Variants in IL20RA observed in about 807,000 individuals in gnomAD.
IL20RA encodes the protein interleukin-20 receptor subunit alpha.
Under a neutral mutation model 36.5 loss-of-function variants are expected in IL20RA, and 29 were observed. The observed-to-expected ratio is 0.79, with a 90% CI of 0.59 to 1.08. The LOEUF is 1.08. Ranked by LOEUF, IL20RA falls within the 50% of genes least tolerant of loss-of-function variation. The probability of loss-of-function intolerance (pLI) is 0.00; values close to 1 mark genes in which losing one functional copy is unlikely to be tolerated. For synonymous variants in IL20RA, 279 were observed against 267.1 expected (o/e 1.04, Z -0.43); for missense variants, 652 against 668.4 (o/e 0.98, Z 0.27).
chr6:137,044,694 AGCGGCCGCAGGGCCGG>A lies in IL20RA; in HGVS notation c.19_34del (p.Pro7CysfsTer39), dbSNP rs1776841629. The A allele has an allele frequency of 4.9e-6, 6 of 1,222,916 alleles. No individual in the cohort carries two copies. The highest frequency in any genetic ancestry group is 4.1e-5 in the South Asian group (1 of 24,466). 75.8% of individuals were successfully genotyped at this position (1,222,916 alleles called of 1,614,324 possible). A position where few individuals can be genotyped will look rare whatever the true frequency, so the allele number is the denominator to read the frequency against. On this transcript the variant is annotated frameshift_variant, in exon 1 of 7. Coordinates refer to ENST00000316649, the MANE Select transcript of IL20RA (RefSeq NM_014432.4). LOFTEE classifies it high-confidence loss of function. ...CAACAGCAGCAGCGGCGGCAGCGGC[AGCGGCCGCAGGGCCGG>A]GCGGCCGGGAGCCCGCATGGGCGGC...
At chr6:137,004,598 A>G in intron 6 of IL20RA, 23 bp downstream of exon 6, 1 of 1,610,350 alleles carries the variant, frequency 6.2e-7, no homozygotes, top group Non-Finnish European at 8.5e-7. Context: ...ATAATAAAGA[A>G]CCCTGCCACA....
chr6:137,022,662 G>A (rs145605183), intron 1 of IL20RA, among the ~76,000 whole-genome samples: 18 of 152,304 alleles, frequency 1.2e-4, no homozygotes, highest in African/African-American at 4.3e-4. Flanking sequence ...CTTAACCTCT[G>A]AGTACTTCAG....
At chr6:137,004,174 T>TTTTTTTTTTTTTTTTTTTTTTTG (rs1562228088) in intron 6 of IL20RA, among the ~76,000 whole-genome samples, 3 of 124,450 alleles carry the variant, frequency 2.4e-5, no homozygotes, top group African/African-American at 6.3e-5. Context: ...TTTTTTTTTT[T>TTTTTTTTTTTTTTTTTTTTTTTG]TTTTTTTTTT....
intron 3 of IL20RA, among the ~76,000 whole-genome samples, chr6:137,010,668 G>T (rs1049267944): frequency 8.5e-5 from 13 of 152,110 alleles, no homozygotes; most frequent in African/African-American, 3.1e-4. Flanking sequence ...GGAAGAAGTT[G>T]CCTTAATTCT....
chr6:137,037,381 T>C lies in IL20RA; in HGVS notation c.88+7260A>G, dbSNP rs563522410. On this transcript the variant is annotated intron_variant, in intron 1 of 6. Transcript: ENST00000316649. ...CAGCAAAGAGTAGCCTTAGTTGCAT[T>C]TAAGACCATCATCACAAGTTCTAGA... is the stretch of plus-strand genomic sequence containing the variant. 1.7e-4 allele frequency among the ~76,000 whole-genome samples: 26 copies of C among 152,336 alleles called. No individual in the cohort carries two copies. In the South Asian group the frequency reaches 5.0e-3, roughly 29 times the overall value.
chr6:137,011,602 T>C (rs1582822163), intron 2 of IL20RA, 150 bp from the exon 3 acceptor site: 4 of 515,358 alleles, frequency 7.8e-6, no homozygotes, highest in East Asian at 3.0e-5. Context: ...GAATCCACTT[T>C]TGCGGTGGGC....
Position 137,002,139 on chromosome 6 carries a change from C to T in IL20RA, c.1081G>A (p.Gly361Arg), listed in dbSNP as rs1405329974. Residue 361 changes from glycine (G) to arginine (R), a missense_variant, in exon 7 of 7, where the codon GGG becomes AGG. Transcript: ENST00000316649. ...ATTTCCATCAAATGCGAAGCATACC[C>T]TAAATGTTTCACCTCCTCTTCCTCC... ...PQEEEEVKHL[G>R]YASHLMEIFC... is the part of the protein sequence containing the mutation. 6.2e-7 allele frequency: 1 copy of T among 1,614,168 alleles called. No homozygotes were observed. The highest frequency in any genetic ancestry group is 1.7e-5 in the Admixed American group (1 of 60,016).
rs768902576 is a variant in IL20RA, at chr6:137,001,523, G to T, written c.*35C>A. On this transcript the variant is annotated 3_prime_UTR_variant, in exon 7 of 7. Coordinates refer to ENST00000316649, the MANE Select transcript of IL20RA (RefSeq NM_014432.4). Reference sequence around the variant, plus strand: ...GATCAAAGGGGTGACTCACTTGTTTGCACAGGAAACAAAAGGCAAAAGGAA... The same window carrying T: ...GATCAAAGGGGTGACTCACTTGTTTTCACAGGAAACAAAAGGCAAAAGGAA... 2.9e-5 allele frequency: 44 copies of T among 1,505,202 alleles called. No individual in the cohort carries two copies. The highest frequency in any genetic ancestry group is 3.9e-5 in the Non-Finnish European group (44 of 1,123,520). The allele number at this position is 1,505,202 out of a possible 1,614,324, so 93.2% of individuals were successfully genotyped here.
chr6:137,043,062 T>G (rs1461455189), intron 1 of IL20RA: 2 of 152,204 alleles, frequency 1.3e-5, no homozygotes, highest in East Asian at 3.8e-4. Flanking sequence ...CATTACTACC[T>G]GGTAATGTCA....
chr6:137,008,666 C>T lies in IL20RA; in HGVS notation c.657G>A (p.Glu219=). 2 of 1,608,980 alleles carry T rather than the reference C, an allele frequency of 1.2e-6. No individual in the cohort carries two copies. Among genetic ancestry groups the T allele is most frequent in the East Asian group, 2.2e-5 (1 of 44,686 alleles). ...EPNTLYCVHV[E]SFVPGPPRRA... is the part of the protein sequence containing the mutation. ...GGCGAGGGGGCCCTGGGACGAAGGACTCCACGTGTACGCAGTAAAGAGTGT... is the reference window on the plus strand; with the variant it reads ...GGCGAGGGGGCCCTGGGACGAAGGATTCCACGTGTACGCAGTAAAGAGTGT... The change falls in exon 5 of 7, where the codon GAG becomes GAA. Residue 219 remains glutamate, a synonymous_variant. Transcript: ENST00000316649.
chr6:137,025,471 C>G (rs1776053630), intron 1 of IL20RA, among the ~76,000 whole-genome samples: 1 of 152,206 alleles, frequency 6.6e-6, no homozygotes, highest in Non-Finnish European at 1.5e-5. Context: ...TTCACTCAAT[C>G]TATCACATTC....
At chr6:137,015,627 T>A in intron 2 of IL20RA, among the ~76,000 whole-genome samples, 1 of 152,172 alleles carries the variant, frequency 6.6e-6, no homozygotes, top group Non-Finnish European at 1.5e-5. Context: ...GCTCAGATAA[T>A]GAGCTTTTGC....
At chr6:137,014,132 G>C (rs1351490099) in intron 2 of IL20RA, among the ~76,000 whole-genome samples, 1 of 152,190 alleles carries the variant, frequency 6.6e-6, no homozygotes, top group Non-Finnish European at 1.5e-5. Flanking sequence ...AAACTCCTTG[G>C]AAATGAGAAT....
At chr6:137,008,508 G>A (rs1775350511) in intron 5 of IL20RA, 91 bp downstream of exon 5, 23 of 1,324,902 alleles carry the variant, frequency 1.7e-5, no homozygotes, top group East Asian at 2.5e-5. Flanking sequence ...TGTTAGACAC[G>A]GATTTGTCAA....
At chr6:137,007,280 G>C (rs760122596) in intron 5 of IL20RA, among the ~76,000 whole-genome samples, 4 of 152,184 alleles carry the variant, frequency 2.6e-5, no homozygotes, top group Non-Finnish European at 5.9e-5. Flanking sequence ...CATTGTAAAA[G>C]AAAAGCTATG....
chr6:137,022,630 A>C (rs1350078715), intron 1 of IL20RA, among the ~76,000 whole-genome samples: 1 of 152,220 alleles, frequency 6.6e-6, no homozygotes, highest in Non-Finnish European at 1.5e-5. Flanking sequence ...CAAATAAATA[A>C]AAATAAAATA....
intron 1 of IL20RA, 137 bp downstream of exon 1, chr6:137,044,504 C>T: frequency 4.2e-6 from 4 of 950,120 alleles, no homozygotes; most frequent in Non-Finnish European, 5.4e-6. Flanking sequence ...CCGGCCTCCG[C>T]GCACCTCGTC....
intron 1 of IL20RA, among the ~76,000 whole-genome samples, chr6:137,039,892 A>G (rs994100608): frequency 1.3e-5 from 2 of 152,226 alleles, no homozygotes; most frequent in African/African-American, 4.8e-5. Flanking sequence ...ATTGTAATAC[A>G]AGCAGTTTAA....
Position 137,008,681 on chromosome 6 carries a change from G to C in IL20RA, c.642C>G (p.Tyr214Ter). Residue 214 changes from tyrosine to a stop codon, truncating the protein, a stop_gained, in exon 5 of 7, where the codon TAC becomes TAG. Coordinates refer to ENST00000316649, the MANE Select transcript of IL20RA (RefSeq NM_014432.4). LOFTEE classifies it high-confidence loss of function. ...VLTWLEPNTL[Y>*]CVHVESFVPG... Reference sequence around the variant, plus strand: ...GGACGAAGGACTCCACGTGTACGCAGTAAAGAGTGTTCGGCTCCAGCCAGG... The same window carrying C: ...GGACGAAGGACTCCACGTGTACGCACTAAAGAGTGTTCGGCTCCAGCCAGG... 6.2e-7 allele frequency: 1 copy of C among 1,608,692 alleles called. No homozygotes were observed. The highest frequency in any genetic ancestry group is 8.5e-7 in the Non-Finnish European group (1 of 1,177,624).
Sources: allele counts gnomAD v4.1 joint callset (sites outside exome capture counted in the v4.1 genomes callset), GRCh38; gene constraint gnomAD v4.1.1; transcripts MANE v1.5; gene names NCBI Gene and HGNC (gene_info 2026-07-23, HGNC 2026-07-21).